Variants in KCNIP4 observed in about 807,000 individuals in gnomAD.
The protein encoded by KCNIP4 is Kv channel-interacting protein 4.
A neutral mutation model predicts 34.0 loss-of-function variants in KCNIP4; 12 were observed. That is an observed-to-expected ratio of 0.35 (90% CI 0.23 to 0.57). KCNIP4 has a LOEUF of 0.57. Among genes scored for constraint, KCNIP4 ranks in the 20% least tolerant of loss-of-function variants. The pLI is 0.83. For synonymous variants in KCNIP4, 124 were observed against 102.2 expected (o/e 1.21, Z -1.29); for missense variants, 238 against 311.7 (o/e 0.76, Z 1.78).
intron 1 of KCNIP4, among the ~76,000 whole-genome samples, chr4:21,549,776 T>A (rs1446283083): frequency 1.3e-5 from 2 of 151,952 alleles, no homozygotes; most frequent in African/African-American, 4.8e-5. Context: ...CAGTGGGGCA[T>A]AGAAGGATAA....
intron 1 of KCNIP4, among the ~76,000 whole-genome samples, chr4:21,887,246 G>C (rs543588633): frequency 3.9e-5 from 6 of 152,170 alleles, no homozygotes; most frequent in Middle Eastern, 3.4e-3. Flanking sequence ...AGTTCTGCAG[G>C]CTGGAAGTCT....
chr4:21,801,094 A>T (rs527520077), intron 1 of KCNIP4, among the ~76,000 whole-genome samples: 1 of 152,324 alleles, frequency 6.6e-6, no homozygotes, highest in South Asian at 2.1e-4. Flanking sequence ...ACTAAGGTTC[A>T]GAGACTTTTA....
chr4:20,938,849 T>A (rs1221605117), intron 1 of KCNIP4, among the ~76,000 whole-genome samples: 2 of 152,230 alleles, frequency 1.3e-5, no homozygotes, highest in Admixed American at 1.3e-4. Context: ...AAGACTCCTG[T>A]CCTGAGAGCT....
intron 3 of KCNIP4, among the ~76,000 whole-genome samples, chr4:20,820,328 G>C (rs1433837773): frequency 6.6e-6 from 1 of 152,196 alleles, no homozygotes; most frequent in African/African-American, 2.4e-5. Context: ...AATTGTCTGT[G>C]TCTTAGTGCT....
intron 3 of KCNIP4, among the ~76,000 whole-genome samples, chr4:20,815,363 C>A (rs1227446838): frequency 2.0e-5 from 3 of 152,186 alleles, no homozygotes; most frequent in African/African-American, 4.8e-5. Context: ...TGAACCCCTG[C>A]ACCACTGAGG....
chr4:21,209,564 G>A (rs927046710), intron 1 of KCNIP4, among the ~76,000 whole-genome samples: 2 of 151,872 alleles, frequency 1.3e-5, no homozygotes, highest in African/African-American at 2.4e-5. Context: ...CTGTCATTTA[G>A]TAAGATTTCT....
At chr4:20,826,660 G>A (rs1182118002) in intron 3 of KCNIP4, among the ~76,000 whole-genome samples, 1 of 151,956 alleles carries the variant, frequency 6.6e-6, no homozygotes, top group Admixed American at 6.6e-5. Context: ...AAAATGTATG[G>A]GAATGAAGAA....
intron 1 of KCNIP4, among the ~76,000 whole-genome samples, chr4:21,096,079 A>G (rs955327967): frequency 6.6e-6 from 1 of 152,164 alleles, no homozygotes; most frequent in African/African-American, 2.4e-5. Flanking sequence ...GGGAGATTAA[A>G]TTTACCGTAC....
intron 1 of KCNIP4, among the ~76,000 whole-genome samples, chr4:20,949,555 A>G (rs964139916): frequency 1.5e-4 from 23 of 152,072 alleles, no homozygotes; most frequent in Non-Finnish European, 2.8e-4. Context: ...AGACACATGC[A>G]CATGTATGTT....
At chr4:21,581,335 C>G (rs910919266) in intron 1 of KCNIP4, among the ~76,000 whole-genome samples, 3 of 151,948 alleles carry the variant, frequency 2.0e-5, no homozygotes, top group Non-Finnish European at 4.4e-5. Context: ...TCTGAAACAT[C>G]TGGAAAAGAC....
chr4:21,541,925 G>A (rs1423932646), intron 1 of KCNIP4, among the ~76,000 whole-genome samples: 3 of 152,078 alleles, frequency 2.0e-5, no homozygotes, highest in East Asian at 1.9e-4. Context: ...TTACAGGCAT[G>A]AGCCACCAAG....
intron 1 of KCNIP4, among the ~76,000 whole-genome samples, chr4:21,045,997 A>G (rs1742393697): frequency 6.6e-6 from 1 of 152,190 alleles, no homozygotes; most frequent in African/African-American, 2.4e-5. Context: ...AGAATGGGAA[A>G]TTTTAATTTG....
intron 1 of KCNIP4, among the ~76,000 whole-genome samples, chr4:21,627,453 A>G (rs1455532218): frequency 1.3e-5 from 2 of 152,168 alleles, no homozygotes; most frequent in African/African-American, 4.8e-5. Context: ...ATCTTTAAAC[A>G]TAATCAGTGC....
intron 1 of KCNIP4, among the ~76,000 whole-genome samples, chr4:21,447,838 A>G (rs952921227): frequency 6.6e-6 from 1 of 152,138 alleles, no homozygotes; most frequent in African/African-American, 2.4e-5. Context: ...GCTATACAGC[A>G]TGGATACCTT....
intron 1 of KCNIP4, among the ~76,000 whole-genome samples, chr4:21,507,399 G>T (rs1306532675): frequency 6.6e-6 from 1 of 151,780 alleles, no homozygotes; most frequent in Non-Finnish European, 1.5e-5. Flanking sequence ...CAAGTAGCTG[G>T]GACTACAGGG....
At chr4:20,731,874 T>A in intron 8 of KCNIP4, 132 bp downstream of exon 8, 1 of 1,449,066 alleles carries the variant, frequency 6.9e-7, no homozygotes, top group Non-Finnish European at 9.1e-7. Context: ...AGGCTTATGC[T>A]GCATGTTGTA....
chr4:21,574,621 G>A (rs1335795571), intron 1 of KCNIP4, among the ~76,000 whole-genome samples: 1 of 152,052 alleles, frequency 6.6e-6, no homozygotes, highest in East Asian at 1.9e-4. Context: ...AGATTTGAAG[G>A]AGACTATAGT....
At chr4:20,872,627 A>G (rs1412763653) in intron 2 of KCNIP4, among the ~76,000 whole-genome samples, 1 of 152,176 alleles carries the variant, frequency 6.6e-6, no homozygotes, top group East Asian at 1.9e-4. Context: ...AAAATGGAAA[A>G]TAGGTTGTAT....
chr4:21,691,547 T>C (rs563445437), intron 1 of KCNIP4, among the ~76,000 whole-genome samples: 22 of 152,290 alleles, frequency 1.4e-4, no homozygotes, highest in African/African-American at 5.1e-4. Flanking sequence ...TCACAATCGA[T>C]GTATAATATC....
Sources: gnomAD v4.1 joint callset for allele counts (sites outside exome capture counted in the v4.1 genomes callset) on GRCh38, gnomAD v4.1.1 for gene constraint, MANE v1.5 for transcripts, NCBI Gene and HGNC (gene_info 2026-07-23, HGNC 2026-07-21) for gene names.